The following SCAMP4 variants were observed in gnomAD, a reference collection of about 807,000 sequenced individuals.
SCAMP4 encodes the protein secretory carrier-associated membrane protein 4.
In SCAMP4, 19 loss-of-function variants were observed where a neutral mutation model predicts 32.1. The ratio of observed to expected loss-of-function variants is 0.59; its 90% confidence interval spans 0.41 to 0.87. The LOEUF (loss-of-function observed/expected upper bound fraction) is 0.87. Ranked by LOEUF, SCAMP4 falls within the 40% of genes least tolerant of loss-of-function variation. The pLI, the probability that SCAMP4 is intolerant of heterozygous loss-of-function variation, is 0.00. For synonymous variants in SCAMP4, 152 were observed against 132.7 expected, an observed-to-expected ratio of 1.15 and a Z score of -1.00; for missense variants, 302 against 309.0, an observed-to-expected ratio of 0.98 and a Z score of 0.17.
intron 1 of SCAMP4, chr19:1,912,987 C>G (rs76159002): frequency 1.9e-6 from 3 of 1,609,082 alleles, no homozygotes; most frequent in Non-Finnish European, 2.5e-6. Flanking sequence ...CGCCATGGCC[C>G]TGGTGCACGC....
In SCAMP4 at chr19:1,918,010, C is replaced by T. The variant is rs569548045; in HGVS notation, c.137-117C>T. On this transcript the variant is annotated intron_variant, in intron 3 of 6. Transcript: ENST00000316097. ...TGTCTTGGCTTGCACAGTTCATCCT[C>T]GACATGGGGTCACTGGGCTGGGGAG... 280 of 1,407,570 alleles carry T rather than the reference C, an allele frequency of 2.0e-4. 1 individual carries two copies. Among genetic ancestry groups the T allele is most frequent in the Non-Finnish European group, 2.6e-4 (265 of 1,036,754 alleles). The allele number at this position is 1,407,570 out of a possible 1,614,324, so 87.2% of individuals were successfully genotyped here.
At chr19:1,921,614 G>A in intron 5 of SCAMP4, 2 of 985,452 alleles carry the variant, frequency 2.0e-6, no homozygotes, top group Non-Finnish European at 2.4e-6. Context: ...GGCGGCGGCA[G>A]GAGTCCTCAA....
intron 1 of SCAMP4, chr19:1,914,596 G>C: frequency 4.0e-6 from 1 of 252,038 alleles, no homozygotes; most frequent in Non-Finnish European, 7.9e-6. Context: ...AGAACGGCCA[G>C]GGTGCCATGC....
In SCAMP4 at chr19:1,924,428, C is replaced by G. The variant is rs372413412; in HGVS notation, c.*144C>G. On this transcript the variant is annotated 3_prime_UTR_variant, in exon 7 of 7. Transcript: ENST00000316097. ...CCGGTGGTGGCCACGGACCGCCCCC[C>G]TCCTGCCAGGGCCACAGAACCCGTG... 3 of 676,718 alleles carry G rather than the reference C, an allele frequency of 4.4e-6. No homozygotes were observed. The highest frequency in any genetic ancestry group is 5.2e-5 in the Admixed American group (2 of 38,458). The allele number at this position is 676,718 out of a possible 1,614,324, so 41.9% of individuals were successfully genotyped here.
chr19:1,915,812 G>A (rs2013712663), intron 2 of SCAMP4, among the ~76,000 whole-genome samples: 1 of 152,170 alleles, frequency 6.6e-6, no homozygotes, highest in Non-Finnish European at 1.5e-5. Flanking sequence ...TGGGCGTGGT[G>A]GCGGGTGCCT....
chr19:1,921,175 T>G, intron 5 of SCAMP4: 1 of 985,124 alleles, frequency 1.0e-6, no homozygotes, highest in South Asian at 4.7e-5. Flanking sequence ...AGCCCCGCTC[T>G]CCCTGTCCTG....
At chr19:1,909,449 A>C (rs2013319336) in intron 1 of SCAMP4, among the ~76,000 whole-genome samples, 1 of 151,892 alleles carries the variant, frequency 6.6e-6, no homozygotes, top group Admixed American at 6.6e-5. Context: ...CCTCATGTCC[A>C]CCTGTGCCAG....
chr19:1,918,349 C>G (rs1007048562), intron 4 of SCAMP4, 66 bp downstream of exon 4: 1 of 1,453,492 alleles, frequency 6.9e-7, no homozygotes, highest in Admixed American at 2.3e-5. Flanking sequence ...CACCCCAGTC[C>G]CAGCCCAGCT....
intron 1 of SCAMP4, 144 bp from the exon 2 acceptor site, chr19:1,914,835 G>C: frequency 1.5e-6 from 1 of 680,702 alleles, no homozygotes; most frequent in East Asian, 2.7e-5. Flanking sequence ...ATTGGGTCGA[G>C]TCAGGCCTGT....
Position 1,908,432 on chromosome 19 carries a change from A to C in SCAMP4, c.-42+2993A>C. Reference sequence around the variant, plus strand: ...GTGGACCAGGCAGTGCATGTCGAGGAGTAGCACCCACAGCTGCGCGGCTGC... The same window carrying C: ...GTGGACCAGGCAGTGCATGTCGAGGCGTAGCACCCACAGCTGCGCGGCTGC... On this transcript the variant is annotated intron_variant, in intron 1 of 6. Transcript: ENST00000316097. This position sits in a 1 kb window ranked among gnomAD's most constrained non-coding sequence, Gnocchi z 4.2. 1 of 466,368 alleles carries C rather than the reference A, an allele frequency of 2.1e-6. No individual in the cohort carries two copies. Among genetic ancestry groups the C allele is most frequent in the South Asian group, 1.6e-5 (1 of 64,254 alleles). The allele number at this position is 466,368 out of a possible 1,614,324, so 28.9% of individuals were successfully genotyped here.
intron 5 of SCAMP4, chr19:1,921,277 C>T (rs2013912141): frequency 4.1e-6 from 4 of 985,426 alleles, no homozygotes; most frequent in Non-Finnish European, 4.8e-6. Flanking sequence ...CGGGCAGCTT[C>T]ACCAGCGTCA....
chr19:1,917,963 G>C (rs1023485901), intron 3 of SCAMP4, 141 bp downstream of exon 3: 44 of 1,366,832 alleles, frequency 3.2e-5, no homozygotes, highest in Admixed American at 4.1e-5. Context: ...TGCGGTGAAC[G>C]AGGCTGGTGT....
Position 1,905,433 on chromosome 19 carries a change from C to T in SCAMP4, c.-48C>T. 2.2e-6 allele frequency: 1 copy of T among 463,336 alleles called. No individual in the cohort carries two copies. The highest frequency in any genetic ancestry group is 1.6e-5 in the South Asian group (1 of 63,234). 28.7% of individuals were successfully genotyped at this position (463,336 alleles called of 1,614,324 possible). On this transcript the variant is annotated 5_prime_UTR_variant, in exon 1 of 7. Transcript: ENST00000316097. ...CGAAGCGCTGCGCTCGCGCCCGGATCCCTCAGGTAAGCGCGCGGCCCCGAG... is the reference window on the plus strand; with the variant it reads ...CGAAGCGCTGCGCTCGCGCCCGGATTCCTCAGGTAAGCGCGCGGCCCCGAG...
rs1277570305 is a variant in SCAMP4 at position 1,908,931 on chromosome 19, C to A, written c.-42+3492C>A. On this transcript the variant is annotated intron_variant, in intron 1 of 6. Coordinates refer to ENST00000316097, the MANE Select transcript of SCAMP4 (RefSeq NM_079834.4). This position sits in a 1 kb window ranked among gnomAD's most constrained non-coding sequence, Gnocchi z 4.2. ...ACCAGCCTGGCCAACATGGTGGAAC[C>A]CCGTCTCTACTGAAAATACAAAAAT... 6.6e-6 allele frequency among the ~76,000 whole-genome samples: 1 copy of A among 151,910 alleles called. No homozygotes were observed. The highest frequency in any genetic ancestry group is 1.5e-5 in the Non-Finnish European group (1 of 68,016).
intron 1 of SCAMP4, chr19:1,912,088 C>A (rs1355275475): frequency 1.4e-6 from 2 of 1,472,974 alleles, no homozygotes; most frequent in Non-Finnish European, 1.8e-6. Context: ...CAGTCGGCCT[C>A]GCTGAGGATG....
In SCAMP4 at chr19:1,922,846, C is replaced by T. The variant is rs192854539; in HGVS notation, c.396-224C>T. ...TCGAAGTTTGTGTCCACTGCACACG[C>T]GGCTCACTGCTGCGATGGTGGAGGG... On this transcript the variant is annotated intron_variant, in intron 5 of 6. Transcript: ENST00000316097. 559 of 1,264,806 alleles carry T rather than the reference C, an allele frequency of 4.4e-4. 2 individuals carry two copies. The highest frequency in any genetic ancestry group is 4.9e-4 in the Non-Finnish European group (496 of 1,003,588). The allele number at this position is 1,264,806 out of a possible 1,614,324, so 78.3% of individuals were successfully genotyped here. A position where few individuals can be genotyped will look rare whatever the true frequency, so the allele number is the denominator to read the frequency against.
At chr19:1,913,364 C>T (rs753605662) in intron 1 of SCAMP4, 28 of 701,342 alleles carry the variant, frequency 4.0e-5, no homozygotes, top group East Asian at 5.9e-5. Flanking sequence ...TGCCCTTCTG[C>T]GGCCGCCCTT....
chr19:1,921,219 CTG>C (rs2013910253), intron 5 of SCAMP4: 4 of 985,140 alleles, frequency 4.1e-6, no homozygotes, highest in South Asian at 4.7e-5. Context: ...CCCACACACT[CTG>C]TGCACTGCTG....
At chr19:1,914,911 T>G in intron 1 of SCAMP4, 68 bp from the exon 2 acceptor site, 2 of 1,314,694 alleles carry the variant, frequency 1.5e-6, no homozygotes, top group East Asian at 2.3e-5. Context: ...TCAGCCACGG[T>G]GGGTGGGTGG....
Sources: allele counts gnomAD v4.1 joint callset (sites outside exome capture counted in the v4.1 genomes callset), GRCh38; gene constraint gnomAD v4.1.1; non-coding constraint Gnocchi (gnomAD v3.1); transcripts MANE v1.5; gene names NCBI Gene and HGNC (gene_info 2026-07-23, HGNC 2026-07-21).